The following ALLC variants were observed in gnomAD, a reference collection of about 807,000 sequenced individuals.
The protein encoded by ALLC is probable inactive allantoicase.
A neutral mutation model predicts 45.0 loss-of-function variants in ALLC; 40 were observed. The observed-to-expected ratio is 0.89, with a 90% CI of 0.69 to 1.16. The LOEUF is 1.16. Among genes scored for constraint, ALLC ranks in the 50% most tolerant of loss-of-function variants. ALLC has a pLI of 0.00. For synonymous variants in ALLC, 176 were observed against 178.1 expected (o/e 0.99, Z 0.09); for missense variants, 488 against 493.1 (o/e 0.99, Z 0.10).
At chr2:3,678,878 G>A (rs1172477109) in intron 4 of ALLC, among the ~76,000 whole-genome samples, 1 of 152,144 alleles carries the variant, frequency 6.6e-6, no homozygotes, top group Non-Finnish European at 1.5e-5. Context: ...CATCTTCTGG[G>A]TCCTTACTAC....
intron 1 of ALLC, among the ~76,000 whole-genome samples, chr2:3,665,368 T>C (rs1291902812): frequency 6.6e-6 from 1 of 152,194 alleles, no homozygotes. Flanking sequence ...GTTTGCTACG[T>C]AGGTAAACGT....
At chr2:3,650,093 A>G in the ALLC span, among the ~76,000 whole-genome samples, 2 of 152,062 alleles carry the variant, frequency 1.3e-5, no homozygotes, top group Non-Finnish European at 2.9e-5. Flanking sequence ...CTCCCCTCTT[A>G]TGTCTGATTC....
intron 3 of ALLC, among the ~76,000 whole-genome samples, chr2:3,676,970 T>A (rs1319951349): frequency 6.6e-6 from 1 of 151,738 alleles, no homozygotes; most frequent in African/African-American, 2.4e-5. Flanking sequence ...GTATTTTTAG[T>A]AGAGAGGGGG....
intron 7 of ALLC, among the ~76,000 whole-genome samples, chr2:3,690,602 A>G (rs1667489851): frequency 6.6e-6 from 1 of 151,606 alleles, no homozygotes; most frequent in African/African-American, 2.4e-5. Context: ...AACATCTTAT[A>G]ACAAGTTATT....
At chr2:3,656,978 G>C (rs545117460), upstream of ALLC, among the ~76,000 whole-genome samples, 1 of 152,214 alleles carries the variant, frequency 6.6e-6, no homozygotes, top group Non-Finnish European at 1.5e-5. Context: ...GGCGGCGAGC[G>C]GGGGCACTGC....
At position 3,702,563 on chromosome 2, in the gene ALLC, A is replaced by C; in HGVS notation, c.1176A>C (p.Ter392TyrextTer17). 6.4e-7 allele frequency: 1 copy of C among 1,556,746 alleles called. No individual in the cohort carries two copies. The highest frequency in any genetic ancestry group is 8.7e-7 in the Non-Finnish European group (1 of 1,152,978). ...KFSVSFKANP* is the reference protein window; with the variant it reads ...KFSVSFKANPY Reference sequence around the variant, plus strand: ...CGGTGAGCTTCAAAGCAAACCCTTAACACACACAAAGCCCCGGTGTCGGAC... The same window carrying C: ...CGGTGAGCTTCAAAGCAAACCCTTACCACACACAAAGCCCCGGTGTCGGAC... Residue 392 changes from the stop codon to tyrosine, a stop_lost, in exon 12 of 12, where the codon TAA becomes TAC. Transcript: ENST00000252505.
chr2:3,693,323 A>G (rs1206292427), intron 7 of ALLC, among the ~76,000 whole-genome samples: 3 of 152,210 alleles, frequency 2.0e-5, no homozygotes, highest in African/African-American at 7.2e-5. Context: ...TCTGGTTATG[A>G]TGCTTTAAAG....
intron 3 of ALLC, 58 bp from the exon 4 acceptor site, chr2:3,678,410 T>G: frequency 6.8e-7 from 1 of 1,468,302 alleles, no homozygotes; most frequent in East Asian, 2.3e-5. Flanking sequence ...GTGGACTTGC[T>G]GGAAGCCAGG....
At chr2:3,648,966 G>A in the ALLC span, among the ~76,000 whole-genome samples, 63 of 152,078 alleles carry the variant, frequency 4.1e-4, no homozygotes, top group Admixed American at 9.8e-4. Flanking sequence ...GCAGAGTACT[G>A]GGTGTTGAGT....
chr2:3,689,525 CTTA>C lies in ALLC; in HGVS notation c.512-6186_512-6184del, dbSNP rs775786235. On this transcript the variant is annotated intron_variant, in intron 7 of 11. Coordinates refer to ENST00000252505, the MANE Select transcript of ALLC (RefSeq NM_018436.4). ...TGTTTGTGTATTTTCCAATGTGTCT[CTTA>C]TTATTGATTTCTAGTTTTATTCCAT... 2.0e-5 allele frequency among the ~76,000 whole-genome samples: 3 copies of C among 150,882 alleles called. 1 individual carries two copies. The highest frequency in any genetic ancestry group is 4.4e-5 in the Non-Finnish European group (3 of 67,548).
At chr2:3,662,520 T>C (rs1441151019) in intron 1 of ALLC, among the ~76,000 whole-genome samples, 1 of 152,260 alleles carries the variant, frequency 6.6e-6, no homozygotes, top group Non-Finnish European at 1.5e-5. Flanking sequence ...TGATGAGATA[T>C]ACGGACTAAT....
intron 7 of ALLC, 159 bp from the exon 8 acceptor site, chr2:3,695,558 G>C (rs1157801304): frequency 1.4e-6 from 1 of 705,564 alleles, no homozygotes; most frequent in African/African-American, 1.8e-5. Context: ...CAAGTGCAAA[G>C]GCCCTGGGGC....
At chr2:3,652,154 C>T in the ALLC span, among the ~76,000 whole-genome samples, 1 of 152,222 alleles carries the variant, frequency 6.6e-6, no homozygotes, top group Non-Finnish European at 1.5e-5. Context: ...GGAACAAAGC[C>T]CATGGATTGT....
At chr2:3,679,813 G>A in intron 4 of ALLC, 56 bp from the exon 5 acceptor site, 2 of 1,604,542 alleles carry the variant, frequency 1.2e-6, no homozygotes, top group East Asian at 2.2e-5. Flanking sequence ...TGCCTCGCAT[G>A]CAGCATCTGC....
chr2:3,672,775 G>C (rs1454815402), intron 2 of ALLC, among the ~76,000 whole-genome samples: 2 of 152,212 alleles, frequency 1.3e-5, no homozygotes, highest in Admixed American at 6.5e-5. Context: ...GGTTAGATCG[G>C]AGGTCCTCTG....
At chr2:3,682,787 G>C (rs533551377) in intron 6 of ALLC, among the ~76,000 whole-genome samples, 155 bp from the exon 7 acceptor site, 7 of 152,142 alleles carry the variant, frequency 4.6e-5, no homozygotes, top group Admixed American at 1.3e-4. Context: ...GGCCTCCCAA[G>C]GTGCTGGGAT....
chr2:3,664,859 G>T (rs931523262), intron 1 of ALLC, among the ~76,000 whole-genome samples: 36 of 151,210 alleles, frequency 2.4e-4, no homozygotes, highest in African/African-American at 8.5e-4. Context: ...ATTCCAACCT[G>T]GGCAACAAAG....
chr2:3,649,714 G>A, the ALLC span, among the ~76,000 whole-genome samples: 4 of 152,234 alleles, frequency 2.6e-5, no homozygotes, highest in Non-Finnish European at 5.9e-5. Context: ...TGGAGAGGAC[G>A]CTGTCCCATC....
At chr2:3,662,522 C>T (rs373934490) in intron 1 of ALLC, among the ~76,000 whole-genome samples, 3 of 152,208 alleles carry the variant, frequency 2.0e-5, no homozygotes, top group African/African-American at 7.2e-5. Context: ...ATGAGATATA[C>T]GGACTAATTT....
Sources: allele counts gnomAD v4.1 joint callset (sites outside exome capture counted in the v4.1 genomes callset), GRCh38; gene constraint gnomAD v4.1.1; transcripts MANE v1.5; gene names NCBI Gene and HGNC (gene_info 2026-07-23, HGNC 2026-07-21).